DPH6: variants seen among roughly 807,000 people sequenced by gnomAD.
DPH6 encodes diphthine--ammonia ligase.
Under a neutral mutation model 38.2 loss-of-function variants are expected in DPH6, and 33 were observed. That is an observed-to-expected ratio of 0.86 (90% CI 0.65 to 1.15). The LOEUF is 1.15. Ranked by LOEUF, DPH6 falls within the 50% of genes most tolerant of loss-of-function variation. DPH6 has a pLI of 0.00. For missense variants in DPH6, 325 were observed against 320.0 expected (o/e 1.02, Z -0.12); for synonymous variants, 108 against 103.0 (o/e 1.05, Z -0.30).
At chr15:35,339,451 A>G (rs2052403421) in intron 3 of DPH6, among the ~76,000 whole-genome samples, 1 of 151,818 alleles carries the variant, frequency 6.6e-6, no homozygotes, top group Non-Finnish European at 1.5e-5. Flanking sequence ...CAGCCTCCCT[A>G]GTAGCTGGGA....
At chr15:35,152,794 C>T in the DPH6 span, among the ~76,000 whole-genome samples, 1 of 152,208 alleles carries the variant, frequency 6.6e-6, no homozygotes, top group Admixed American at 6.5e-5. Context: ...CCACTCAGCC[C>T]AGCCAGATTA....
At chr15:35,425,676 TGTGTGTGTGTGTATGG>T (rs943197765) in intron 5 of DPH6, among the ~76,000 whole-genome samples, 6 of 68,552 alleles carry the variant, frequency 8.8e-5, no homozygotes, top group South Asian at 5.4e-4. Flanking sequence ...TGTGTGTGTA[TGTGTGTGTGTGTATGG>T]GTGTGTGTGT....
At chr15:35,394,159 T>C (rs1356476508) in intron 6 of DPH6, among the ~76,000 whole-genome samples, 1 of 152,184 alleles carries the variant, frequency 6.6e-6, no homozygotes, top group Non-Finnish European at 1.5e-5. Context: ...ATGCATTCCC[T>C]ATAACAGCAC....
At chr15:35,323,831 C>G (rs997193246) in intron 3 of DPH6, among the ~76,000 whole-genome samples, 1 of 152,044 alleles carries the variant, frequency 6.6e-6, no homozygotes, top group African/African-American at 2.4e-5. Flanking sequence ...AGAATTCTGC[C>G]GGAAATAATT....
At chr15:35,525,279 T>C (rs1385980739) in intron 3 of DPH6, among the ~76,000 whole-genome samples, 2 of 152,166 alleles carry the variant, frequency 1.3e-5, no homozygotes, top group Admixed American at 6.6e-5. Context: ...CCAAAGGCTA[T>C]TTAGAACAAG....
intron 3 of DPH6, among the ~76,000 whole-genome samples, chr15:35,286,525 A>C (rs1400833383): frequency 6.6e-6 from 1 of 152,220 alleles, no homozygotes; most frequent in Admixed American, 6.5e-5. Context: ...ATAGTGACTA[A>C]ATGAACAAAT....
intron 3 of DPH6, among the ~76,000 whole-genome samples, chr15:35,530,620 G>A (rs539856204): frequency 2.0e-5 from 3 of 152,188 alleles, no homozygotes; most frequent in South Asian, 4.1e-4. Context: ...AAAGTTCAAG[G>A]TTGAAGAGAC....
rs566216669 is a variant in DPH6, at chr15:35,291,901, C to T, written n.201-71319G>A. On this transcript the variant is annotated intron_variant and non_coding_transcript_variant, in intron 3 of 3. Transcript: ENST00000560386. ...CTCACTTTATTTCCTATTTCATACA[C>T]CACTGTTCTCTTCTTTTGCTATTTT... Among the ~76,000 whole-genome samples, 3 of 152,144 alleles carry T rather than the reference C, an allele frequency of 2.0e-5. No homozygotes were observed. In the South Asian group the frequency reaches 6.2e-4, roughly 32 times the overall value.
chr15:35,433,390 C>T (rs1207649761), intron 5 of DPH6, among the ~76,000 whole-genome samples: 1 of 152,178 alleles, frequency 6.6e-6, no homozygotes, highest in African/African-American at 2.4e-5. Context: ...GTGGCATTCT[C>T]TTAGCAGAAA....
chr15:35,176,257 C>T, the DPH6 span, among the ~76,000 whole-genome samples: 1,252 of 152,266 alleles, frequency 8.2e-3, 15 homozygotes, highest in African/African-American at 0.029. Context: ...CTTATCACTA[C>T]GTCTTTTAGG....
At chr15:35,391,841 C>T (rs2053063059) in intron 6 of DPH6, among the ~76,000 whole-genome samples, 1 of 152,146 alleles carries the variant, frequency 6.6e-6, no homozygotes, top group Non-Finnish European at 1.5e-5. Context: ...TGCACTGCAC[C>T]CACTGTCCTG....
At chr15:35,349,857 T>C (rs1231192440) in intron 3 of DPH6, among the ~76,000 whole-genome samples, 2 of 152,358 alleles carry the variant, frequency 1.3e-5, no homozygotes, top group Non-Finnish European at 2.9e-5. Flanking sequence ...GAATTAAGCA[T>C]GCTAGTGTTT....
chr15:35,511,356 T>C (rs2054767526), intron 3 of DPH6, among the ~76,000 whole-genome samples: 1 of 152,134 alleles, frequency 6.6e-6, no homozygotes, highest in Admixed American at 6.6e-5. Context: ...TGGATCTAGA[T>C]CTCTGTCTGC....
At chr15:35,337,306 T>C (rs1334454357) in intron 3 of DPH6, among the ~76,000 whole-genome samples, 2 of 152,202 alleles carry the variant, frequency 1.3e-5, no homozygotes, top group African/African-American at 4.8e-5. Context: ...CCTTTATCAT[T>C]TTTTATTGCA....
the DPH6 span, among the ~76,000 whole-genome samples, chr15:35,188,563 C>A: frequency 2.0e-5 from 3 of 152,188 alleles, no homozygotes; most frequent in African/African-American, 7.2e-5. Context: ...TCCTGCTCTA[C>A]AGCTTTTTAA....
At chr15:35,466,329 TTATTCTCCTAATTGCTTATTG>T (rs1417979891) in intron 3 of DPH6, among the ~76,000 whole-genome samples, 1 of 152,222 alleles carries the variant, frequency 6.6e-6, no homozygotes, top group Admixed American at 6.5e-5. Context: ...GTTCAATCCT[TTATTCTCCTAATTGCTTATTG>T]GGAGAATAAA....
intron 5 of DPH6, among the ~76,000 whole-genome samples, chr15:35,432,284 T>C (rs1051297784): frequency 3.3e-5 from 5 of 152,204 alleles, no homozygotes; most frequent in Non-Finnish European, 7.4e-5. Flanking sequence ...ATTATTGCTT[T>C]ACACTCCTGA....
At chr15:35,303,613 C>A (rs77264257) in intron 3 of DPH6, among the ~76,000 whole-genome samples, 4,479 of 150,018 alleles carry the variant, frequency 0.03, 221 homozygotes, top group African/African-American at 0.1. Context: ...GCTTTGCAAT[C>A]AAAAATAACC....
In DPH6 at chr15:35,489,846, A is replaced by T. The variant is rs2054453564; in HGVS notation, c.313-35026T>A. ...TAATGTACTTTTAAAAGGAATATTA[A>T]TAAGAGTTACCTGGATTATACATTT... On this transcript the variant is annotated intron_variant, in intron 3 of 8. Transcript: ENST00000256538. 7 of 973,866 alleles carry T rather than the reference A, an allele frequency of 7.2e-6. No individual in the cohort carries two copies. The South Asian group carries it at 3.3e-4, about 46-fold the overall frequency. 60.3% of individuals were successfully genotyped at this position (973,866 alleles called of 1,614,324 possible).
Sources: allele counts gnomAD v4.1 joint callset (sites outside exome capture counted in the v4.1 genomes callset), GRCh38; gene constraint gnomAD v4.1.1; transcripts MANE v1.5; gene names NCBI Gene and HGNC (gene_info 2026-07-23, HGNC 2026-07-21).